Variants in GALNT13 observed in about 807,000 individuals in gnomAD.
GALNT13 encodes the protein polypeptide N-acetylgalactosaminyltransferase 13, also known as UDP-GalNAc:polypeptide N-acetylgalactosaminyltransferase 13.
In GALNT13, 28 loss-of-function variants were observed where a neutral mutation model predicts 64.2. The ratio of observed to expected loss-of-function variants is 0.44; its 90% CI spans 0.32 to 0.60. The LOEUF (loss-of-function observed/expected upper bound fraction) is 0.60. GALNT13 is among the 20% of genes least tolerant of loss of function. The pLI, the probability that GALNT13 is intolerant of heterozygous loss-of-function variation, is 0.05. For synonymous variants in GALNT13, 214 were observed against 224.6 expected (o/e 0.95, Z 0.42); for missense variants, 577 against 669.8 (o/e 0.86, Z 1.53).
chr2:153,960,369 C>T (rs1376090864), intron 3 of GALNT13, among the ~76,000 whole-genome samples: 6 of 152,134 alleles, frequency 3.9e-5, no homozygotes, highest in Non-Finnish European at 7.3e-5. Flanking sequence ...CTTGGCTTTG[C>T]CCAGGAAACA....
chr2:153,848,207 A>G, the GALNT13 span, among the ~76,000 whole-genome samples: 4 of 152,294 alleles, frequency 2.6e-5, no homozygotes, highest in East Asian at 3.9e-4. Flanking sequence ...TAAGCTTCCA[A>G]TCACTTACAG....
chr2:154,199,523 G>A (rs1157286237), intron 4 of GALNT13, among the ~76,000 whole-genome samples: 3 of 151,958 alleles, frequency 2.0e-5, no homozygotes, highest in African/African-American at 7.2e-5. Flanking sequence ...ACCAAAAATG[G>A]TTGTGTTAAT....
the GALNT13 span, among the ~76,000 whole-genome samples, chr2:153,401,303 AT>A: frequency 2.0e-5 from 3 of 151,568 alleles, no homozygotes; most frequent in Non-Finnish European, 4.4e-5. Flanking sequence ...GTTTGTTATA[AT>A]TTCTGTTCTT....
chr2:154,155,708 G>A (rs1382769571), intron 4 of GALNT13, among the ~76,000 whole-genome samples: 1 of 151,864 alleles, frequency 6.6e-6, no homozygotes, highest in African/African-American at 2.4e-5. Flanking sequence ...AAGTCTCCCT[G>A]TAGAAGCCAG....
the GALNT13 span, among the ~76,000 whole-genome samples, chr2:153,487,572 G>A: frequency 6.6e-6 from 1 of 152,176 alleles, no homozygotes; most frequent in Non-Finnish European, 1.5e-5. Flanking sequence ...ATGCAAAAAA[G>A]CAATTATGGT....
At chr2:154,389,107 A>T (rs1574216851) in intron 9 of GALNT13, among the ~76,000 whole-genome samples, 1 of 152,130 alleles carries the variant, frequency 6.6e-6, no homozygotes, top group East Asian at 1.9e-4. Context: ...TTGCTTAAGC[A>T]TTCTTTTTGT....
At chr2:153,158,736 C>G in the GALNT13 span, among the ~76,000 whole-genome samples, 1 of 152,180 alleles carries the variant, frequency 6.6e-6, no homozygotes, top group East Asian at 1.9e-4. Flanking sequence ...TTATCCTAGA[C>G]TGCTCCAATG....
the GALNT13 span, among the ~76,000 whole-genome samples, chr2:153,741,275 A>C: frequency 6.6e-6 from 1 of 151,588 alleles, no homozygotes; most frequent in Non-Finnish European, 1.5e-5. Flanking sequence ...TCATTATTTC[A>C]ATTTTCTTCT....
At chr2:153,570,786 T>G in the GALNT13 span, among the ~76,000 whole-genome samples, 3 of 152,122 alleles carry the variant, frequency 2.0e-5, no homozygotes, top group African/African-American at 7.2e-5. Flanking sequence ...GATTTGTTTC[T>G]GGGTTCTCTA....
the GALNT13 span, among the ~76,000 whole-genome samples, chr2:153,541,998 A>G: frequency 2.0e-5 from 3 of 152,124 alleles, no homozygotes; most frequent in Non-Finnish European, 4.4e-5. Flanking sequence ...TGGCCCTGAC[A>G]AGTTGCAAAC....
chr2:154,346,438 T>C (rs1462914129), intron 9 of GALNT13, among the ~76,000 whole-genome samples: 2 of 152,030 alleles, frequency 1.3e-5, no homozygotes, highest in African/African-American at 4.8e-5. Context: ...AATTCTCACA[T>C]GTTGTGGGAG....
At chr2:153,756,608 C>T in the GALNT13 span, among the ~76,000 whole-genome samples, 1 of 152,058 alleles carries the variant, frequency 6.6e-6, no homozygotes, top group Admixed American at 6.6e-5. Context: ...TATTTCTACT[C>T]ATGTTGGACA....
the GALNT13 span, among the ~76,000 whole-genome samples, chr2:153,792,970 C>CTTTTTTTTTT: frequency 1.5e-5 from 2 of 132,254 alleles, no homozygotes; most frequent in Non-Finnish European, 1.6e-5. Flanking sequence ...TTCTTTCTTT[C>CTTTTTTTTTT]TTTTTTTTTT....
chr2:154,066,103 C>T (rs1029638664), intron 3 of GALNT13, among the ~76,000 whole-genome samples: 4 of 152,078 alleles, frequency 2.6e-5, no homozygotes, highest in Admixed American at 1.3e-4. Flanking sequence ...AATTCATCAG[C>T]GTCTCTTAAT....
chr2:153,092,342 T>G, the GALNT13 span, among the ~76,000 whole-genome samples: 2 of 152,200 alleles, frequency 1.3e-5, no homozygotes, highest in Non-Finnish European at 1.5e-5. Flanking sequence ...TGGTTTCATA[T>G]ACATTTTAGG....
chr2:154,401,337 TCA>T (rs1311825316), intron 10 of GALNT13, among the ~76,000 whole-genome samples: 1 of 152,144 alleles, frequency 6.6e-6, no homozygotes, highest in African/African-American at 2.4e-5. Context: ...ATTTATAGAT[TCA>T]CAGTCTTCTT....
intron 4 of GALNT13, among the ~76,000 whole-genome samples, chr2:154,165,458 C>T (rs1249026046): frequency 6.6e-6 from 1 of 152,052 alleles, no homozygotes; most frequent in African/African-American, 2.4e-5. Context: ...CTTACAGCCT[C>T]ATTATATTAT....
intron 7 of GALNT13, among the ~76,000 whole-genome samples, chr2:154,256,020 C>T (rs1227114610): frequency 2.0e-5 from 3 of 151,618 alleles, no homozygotes; most frequent in African/African-American, 7.3e-5. Flanking sequence ...ACCACTACAC[C>T]ACTCTAGCCT....
intron 4 of GALNT13, among the ~76,000 whole-genome samples, chr2:154,151,486 G>T (rs912345891): frequency 2.6e-5 from 4 of 152,248 alleles, no homozygotes; most frequent in East Asian, 1.9e-4. Context: ...GGGTATCCTT[G>T]TTAACTTTCT....
Sources: allele counts gnomAD v4.1 joint callset (sites outside exome capture counted in the v4.1 genomes callset), GRCh38; gene constraint gnomAD v4.1.1; transcripts MANE v1.5; gene names NCBI Gene and HGNC (gene_info 2026-07-23, HGNC 2026-07-21).